The following XKR4 variants were observed in gnomAD, a reference collection of about 807,000 sequenced individuals.
XKR4 encodes the protein XK-related protein 4.
XKR4 carries 12 observed loss-of-function variants against 53.9 expected under a neutral mutation model. That is an observed-to-expected ratio of 0.22 (90% CI 0.14 to 0.36). The LOEUF (loss-of-function observed/expected upper bound fraction) is 0.36. Ranked by LOEUF, XKR4 falls within the 10% of genes least tolerant of loss-of-function variation. XKR4 has a pLI of 1.00. For missense variants in XKR4, 799 were observed against 859.5 expected (o/e 0.93, Z 0.88); for synonymous variants, 354 against 362.4 (o/e 0.98, Z 0.26).
chr8:55,180,264 G>T (rs772633281), intron 1 of XKR4, among the ~76,000 whole-genome samples: 1 of 152,236 alleles, frequency 6.6e-6, no homozygotes, highest in Non-Finnish European at 1.5e-5. Flanking sequence ...GCTGCATGGA[G>T]TGGTGTGTGA....
At chr8:55,454,866 T>A in intron 2 of XKR4, 1 of 763,460 alleles carries the variant, frequency 1.3e-6, no homozygotes. Flanking sequence ...CTCAGTGGCA[T>A]CCTTAGCGCG....
Position 55,526,382 on chromosome 8 carries a change from C to G in XKR4, c.*2155C>G, listed in dbSNP as rs1262438878. Reference sequence around the variant, plus strand: ...ACAATTTTTATAAGTAGACATACTTCCTAGTACTCCATGATTTGATCCTCC... The same window carrying G: ...ACAATTTTTATAAGTAGACATACTTGCTAGTACTCCATGATTTGATCCTCC... On this transcript the variant is annotated 3_prime_UTR_variant, in exon 3 of 3. Transcript: ENST00000327381. 3.9e-5 allele frequency: 6 copies of G among 152,206 alleles called. No individual in the cohort carries two copies. In the South Asian group the frequency reaches 1.2e-3, roughly 32 times the overall value. 9.4% of individuals were successfully genotyped at this position (152,206 alleles called of 1,614,324 possible). A position where few individuals can be genotyped will look rare whatever the true frequency, so the allele number is the denominator to read the frequency against.
chr8:55,457,806 C>A (rs542031518), intron 2 of XKR4, among the ~76,000 whole-genome samples: 1 of 152,286 alleles, frequency 6.6e-6, no homozygotes, highest in South Asian at 2.1e-4. Flanking sequence ...CATATTCATA[C>A]ACACACAGTT....
chr8:55,146,414 C>A lies in XKR4; in HGVS notation c.806+43120C>A, dbSNP rs1816774164. On this transcript the variant is annotated intron_variant, in intron 1 of 2. Transcript: ENST00000327381. ...AAATTAGTTTCCACCATGACAAATA[C>A]CATTCTTTTACAAAGTACCATATTT... Among the ~76,000 whole-genome samples, 3 of 152,176 alleles carry A rather than the reference C, an allele frequency of 2.0e-5. No homozygotes were observed. The South Asian group carries it at 6.2e-4, about 31-fold the overall frequency.
rs1309003317 is a variant in XKR4 at position 55,535,498 on chromosome 8, A to G, written c.*11271A>G. On this transcript the variant is annotated 3_prime_UTR_variant, in exon 3 of 3. Coordinates refer to ENST00000327381, the MANE Select transcript of XKR4 (RefSeq NM_052898.2). ...AGAAAATGTTCATTTTCTGAACCCC[A>G]GAGCCCACATAGGTACAAAGATACT... The G allele has an allele frequency of 6.6e-6, 1 of 151,632 alleles. No individual in the cohort carries two copies. The highest frequency in any genetic ancestry group is 1.5e-5 in the Non-Finnish European group (1 of 67,978). 9.4% of individuals were successfully genotyped at this position (151,632 alleles called of 1,614,324 possible). A position where few individuals can be genotyped will look rare whatever the true frequency, so the allele number is the denominator to read the frequency against.
chr8:55,130,567 T>A (rs1031949964), intron 1 of XKR4, among the ~76,000 whole-genome samples: 1 of 152,194 alleles, frequency 6.6e-6, no homozygotes, highest in Non-Finnish European at 1.5e-5. Flanking sequence ...AGATTTACTC[T>A]ATCTGCCTCA....
intron 1 of XKR4, among the ~76,000 whole-genome samples, chr8:55,272,389 G>A (rs1223526474): frequency 1.3e-5 from 2 of 152,200 alleles, no homozygotes; most frequent in African/African-American, 4.8e-5. Flanking sequence ...ACCGTGTCAT[G>A]AGATAGCCCC....
intron 1 of XKR4, among the ~76,000 whole-genome samples, chr8:55,262,137 G>T (rs1175613118): frequency 2.0e-5 from 3 of 152,104 alleles, no homozygotes; most frequent in African/African-American, 7.2e-5. Flanking sequence ...ATATTTTATG[G>T]ACATTAACAA....
intron 2 of XKR4, among the ~76,000 whole-genome samples, chr8:55,388,182 C>T (rs1392532114): frequency 6.6e-6 from 1 of 152,162 alleles, no homozygotes; most frequent in Non-Finnish European, 1.5e-5. Flanking sequence ...CATTTACCTT[C>T]TTTTCATTGC....
chr8:55,170,897 A>C (rs960469983), intron 1 of XKR4, among the ~76,000 whole-genome samples: 1 of 152,170 alleles, frequency 6.6e-6, no homozygotes, highest in African/African-American at 2.4e-5. Flanking sequence ...GTCCAACCTC[A>C]GAAGGTCAAA....
At chr8:55,495,890 A>G (rs1257184680) in intron 2 of XKR4, among the ~76,000 whole-genome samples, 1 of 152,244 alleles carries the variant, frequency 6.6e-6, no homozygotes. Flanking sequence ...TCACATTCAC[A>G]GTGAAAGAAG....
chr8:55,127,811 A>G (rs1162895659), intron 1 of XKR4, among the ~76,000 whole-genome samples: 4 of 142,850 alleles, frequency 2.8e-5, no homozygotes, highest in Admixed American at 7.7e-5. Flanking sequence ...GTTCCCACCT[A>G]TGAGTGAGAA....
intron 1 of XKR4, among the ~76,000 whole-genome samples, chr8:55,156,592 G>A (rs1197252363): frequency 2.6e-5 from 4 of 152,180 alleles, no homozygotes; most frequent in Non-Finnish European, 5.9e-5. Context: ...CCTAAAAAGG[G>A]TTAAAAGTGC....
intron 1 of XKR4, among the ~76,000 whole-genome samples, chr8:55,225,508 C>T (rs1010114381): frequency 1.3e-5 from 2 of 152,212 alleles, no homozygotes; most frequent in African/African-American, 2.4e-5. Context: ...CTATTAATGA[C>T]ATTCCATGCC....
At chr8:55,460,787 C>T (rs533946771) in intron 2 of XKR4, among the ~76,000 whole-genome samples, 12 of 152,318 alleles carry the variant, frequency 7.9e-5, no homozygotes, top group African/African-American at 2.9e-4. Flanking sequence ...CACCCTAATA[C>T]TGTGTTTTTC....
At chr8:55,223,844 T>C (rs941154415) in intron 1 of XKR4, among the ~76,000 whole-genome samples, 1 of 152,132 alleles carries the variant, frequency 6.6e-6, no homozygotes, top group Non-Finnish European at 1.5e-5. Flanking sequence ...TTGGACATGG[T>C]AGGATTAAGC....
chr8:55,375,052 T>C (rs1158064772), intron 2 of XKR4, among the ~76,000 whole-genome samples: 1 of 152,206 alleles, frequency 6.6e-6, no homozygotes, highest in African/African-American at 2.4e-5. Flanking sequence ...AACCAGGGCC[T>C]GTGCTCCAAG....
At chr8:55,344,773 G>A (rs1171972378) in intron 1 of XKR4, among the ~76,000 whole-genome samples, 1 of 152,152 alleles carries the variant, frequency 6.6e-6, no homozygotes, top group East Asian at 1.9e-4. Context: ...TGCCCAAGAG[G>A]CCCTGGCCAT....
At chr8:55,211,928 G>A (rs868016508) in intron 1 of XKR4, among the ~76,000 whole-genome samples, 1 of 152,214 alleles carries the variant, frequency 6.6e-6, no homozygotes, top group Non-Finnish European at 1.5e-5. Context: ...ATTTTAGGGA[G>A]ACATAAGACA....
Sources: gnomAD v4.1 joint callset for allele counts (sites outside exome capture counted in the v4.1 genomes callset) on GRCh38, gnomAD v4.1.1 for gene constraint, MANE v1.5 for transcripts, NCBI Gene and HGNC (gene_info 2026-07-23, HGNC 2026-07-21) for gene names.